The following EPHA5 variants were observed in gnomAD, a reference collection of about 807,000 sequenced individuals.
EPHA5 encodes the protein ephrin type-A receptor 5.
A neutral mutation model predicts 105.0 loss-of-function variants in EPHA5; 60 were observed. The ratio of observed to expected loss-of-function variants is 0.57; its 90% CI spans 0.46 to 0.71. The LOEUF is 0.71. EPHA5 is among the 30% of genes least tolerant of loss of function. EPHA5 has a pLI of 0.00. For synonymous variants in EPHA5, 513 were observed against 449.1 expected, an observed-to-expected ratio of 1.14 and a Z score of -1.80; for missense variants, 1,218 against 1,274.7, an observed-to-expected ratio of 0.96 and a Z score of 0.68.
rs1447954970 is a variant in EPHA5, at chr4:65,430,279, C to T, written c.1403-9714G>A. Among the ~76,000 whole-genome samples the T allele has an allele frequency of 2.6e-5, 4 of 151,690 alleles. No individual in the cohort carries two copies. In the East Asian group the frequency reaches 7.7e-4, roughly 29 times the overall value. On this transcript the variant is annotated intron_variant, in intron 5 of 16. Coordinates refer to ENST00000613740, the MANE Select transcript of EPHA5 (RefSeq NM_001281766.3). ...CATAAAATCCATATTTTTTGTTCCA[C>T]TGGAACAGTAGTCTAGATTCCTATT...
At chr4:65,439,951 G>A (rs1725856222) in intron 5 of EPHA5, among the ~76,000 whole-genome samples, 2 of 151,758 alleles carry the variant, frequency 1.3e-5, no homozygotes, top group African/African-American at 4.8e-5. Context: ...TTAATTATGT[G>A]GTATTTTACT....
At chr4:65,394,092 A>G (rs1219046749) in intron 8 of EPHA5, among the ~76,000 whole-genome samples, 1 of 152,194 alleles carries the variant, frequency 6.6e-6, no homozygotes, top group Non-Finnish European at 1.5e-5. Flanking sequence ...GGTGACATTT[A>G]ATTTGCATGA....
intron 5 of EPHA5, among the ~76,000 whole-genome samples, chr4:65,438,706 A>G (rs1465484591): frequency 6.6e-6 from 1 of 152,066 alleles, no homozygotes; most frequent in Admixed American, 6.6e-5. Flanking sequence ...GACTTCAAGC[A>G]GAATGAAACT....
chr4:65,660,461 G>A (rs1749463528), intron 1 of EPHA5, among the ~76,000 whole-genome samples: 1 of 152,124 alleles, frequency 6.6e-6, no homozygotes, highest in Admixed American at 6.6e-5. Context: ...ATGACGATCT[G>A]TGAGTGTGAA....
At chr4:65,380,188 T>C (rs1719416827) in intron 8 of EPHA5, among the ~76,000 whole-genome samples, 1 of 151,808 alleles carries the variant, frequency 6.6e-6, no homozygotes, top group Non-Finnish European at 1.5e-5. Flanking sequence ...CCTAGAACAC[T>C]GTACATAACT....
intron 3 of EPHA5, among the ~76,000 whole-genome samples, chr4:65,521,317 T>G (rs2149280641): frequency 6.6e-6 from 1 of 152,116 alleles, no homozygotes; most frequent in African/African-American, 2.4e-5. Context: ...AGGTGGGAAT[T>G]GAACAATGAG....
At chr4:65,483,837 T>A (rs912317483) in intron 5 of EPHA5, among the ~76,000 whole-genome samples, 1 of 152,080 alleles carries the variant, frequency 6.6e-6, no homozygotes, top group Admixed American at 6.6e-5. Flanking sequence ...ACTCTAGTAA[T>A]GGCCAAACTA....
chr4:65,511,876 T>C (rs1733659219), intron 3 of EPHA5, among the ~76,000 whole-genome samples: 2 of 152,234 alleles, frequency 1.3e-5, no homozygotes, highest in Admixed American at 1.3e-4. Flanking sequence ...GGTTTCCATG[T>C]ACATATGTAC....
chr4:65,324,511 C>T (rs1247280106), intron 16 of EPHA5, among the ~76,000 whole-genome samples: 1 of 151,102 alleles, frequency 6.6e-6, no homozygotes, highest in Non-Finnish European at 1.5e-5. Flanking sequence ...CACATTATTA[C>T]CAATAAAGAG....
intron 2 of EPHA5, among the ~76,000 whole-genome samples, chr4:65,628,488 C>T (rs770979827): frequency 5.3e-5 from 8 of 151,940 alleles, no homozygotes; most frequent in Non-Finnish European, 1.2e-4. Context: ...ATTAAGTTTC[C>T]TGATATTAGC....
intron 5 of EPHA5, among the ~76,000 whole-genome samples, chr4:65,427,905 T>TGTATTTATCATA (rs1724602277): frequency 6.6e-6 from 1 of 152,164 alleles, no homozygotes; most frequent in South Asian, 2.1e-4. Flanking sequence ...ATCTTTACTA[T>TGTATTTATCATA]CTATGTGTAT....
At chr4:65,458,218 A>T (rs34404106) in intron 5 of EPHA5, among the ~76,000 whole-genome samples, 1 of 151,982 alleles carries the variant, frequency 6.6e-6, no homozygotes, top group African/African-American at 2.4e-5. Flanking sequence ...AAATGTGTGA[A>T]GCAAAATTTA....
chr4:65,451,304 C>A (rs1727042433), intron 5 of EPHA5, among the ~76,000 whole-genome samples: 1 of 152,000 alleles, frequency 6.6e-6, no homozygotes, highest in Non-Finnish European at 1.5e-5. Flanking sequence ...TTCAAATAAT[C>A]TTTTTTGATA....
In EPHA5 at chr4:65,323,495, A is replaced by G. The variant is rs544152842; in HGVS notation, c.*619T>C. On this transcript the variant is annotated 3_prime_UTR_variant, in exon 17 of 17. Coordinates refer to ENST00000613740, the MANE Select transcript of EPHA5 (RefSeq NM_001281766.3). ...AGAAGAGCAACTAAAAGTAAACTTT[A>G]TAACACAAAAAATAAATATACACCC... The G allele has an allele frequency of 8.7e-6, 2 of 230,270 alleles. No homozygotes were observed. The highest frequency in any genetic ancestry group is 5.7e-5 in the Admixed American group (1 of 17,608). The allele number at this position is 230,270 out of a possible 1,614,324, so 14.3% of individuals were successfully genotyped here.
chr4:65,406,151 A>G (rs183629650), intron 7 of EPHA5, among the ~76,000 whole-genome samples: 94 of 152,306 alleles, frequency 6.2e-4, no homozygotes, highest in East Asian at 9.7e-4. Flanking sequence ...TTGCTGCCTT[A>G]TAAACTACTC....
At chr4:65,464,586 T>C (rs1482896567) in intron 5 of EPHA5, among the ~76,000 whole-genome samples, 1 of 152,102 alleles carries the variant, frequency 6.6e-6, no homozygotes, top group East Asian at 1.9e-4. Context: ...GTACACATGA[T>C]AAAGCACATT....
intron 2 of EPHA5, among the ~76,000 whole-genome samples, chr4:65,626,702 A>G (rs1578621484): frequency 6.6e-6 from 1 of 152,230 alleles, no homozygotes; most frequent in South Asian, 2.1e-4. Flanking sequence ...ACATGCTCAC[A>G]TGTAATACAG....
At chr4:65,595,387 T>C (rs1350102212) in intron 3 of EPHA5, among the ~76,000 whole-genome samples, 1 of 152,094 alleles carries the variant, frequency 6.6e-6, no homozygotes, top group Non-Finnish European at 1.5e-5. Flanking sequence ...TTCAGTTTTG[T>C]ACTTCTAACA....
In EPHA5 at chr4:65,618,674, C is replaced by A. The variant is rs139752730; in HGVS notation, c.247-16370G>T. On this transcript the variant is annotated intron_variant, in intron 2 of 16. Coordinates refer to ENST00000613740, the MANE Select transcript of EPHA5 (RefSeq NM_001281766.3). ...GTAATACTAACATGCCCCAAATATG[C>A]TGGTTTGTGTTTTTCTTATATCTGG... Among the ~76,000 whole-genome samples the A allele has an allele frequency of 1.3e-3, 196 of 152,262 alleles. 2 individuals are homozygous for A. Among genetic ancestry groups the A allele is most frequent in the African/African-American group, 4.4e-3 (182 of 41,552 alleles).
Sources: gnomAD v4.1 joint callset for allele counts (sites outside exome capture counted in the v4.1 genomes callset) on GRCh38, gnomAD v4.1.1 for gene constraint, MANE v1.5 for transcripts, NCBI Gene and HGNC (gene_info 2026-07-23, HGNC 2026-07-21) for gene names.